Variants in WDR70 observed in about 807,000 individuals in gnomAD.
WDR70 encodes WD repeat domain 70, also known as WD repeat-containing protein 70.
In WDR70, 53 loss-of-function variants were observed where a neutral mutation model predicts 88.6. The observed-to-expected ratio is 0.60, with a 90% CI of 0.48 to 0.75. The LOEUF is 0.75. WDR70 is among the 30% of genes least tolerant of loss of function. The pLI, the probability that WDR70 is intolerant of heterozygous loss-of-function variation, is 0.00. For missense variants in WDR70, 610 were observed against 823.2 expected (o/e 0.74, Z 3.17); for synonymous variants, 280 against 270.0 (o/e 1.04, Z -0.36).
chr5:37,576,925 T>G (rs1257471312), intron 9 of WDR70, among the ~76,000 whole-genome samples: 1 of 151,958 alleles, frequency 6.6e-6, no homozygotes, highest in Non-Finnish European at 1.5e-5. Context: ...GTCACAAGAT[T>G]AGTTCTAGAG....
intron 9 of WDR70, among the ~76,000 whole-genome samples, chr5:37,526,020 C>T (rs1346380371): frequency 6.6e-6 from 1 of 152,094 alleles, no homozygotes; most frequent in African/African-American, 2.4e-5. Flanking sequence ...AAGTCCAGGA[C>T]CAGATGGATT....
At chr5:37,611,119 G>A (rs980220196) in intron 10 of WDR70, among the ~76,000 whole-genome samples, 1 of 152,092 alleles carries the variant, frequency 6.6e-6, no homozygotes, top group Admixed American at 6.5e-5. Context: ...CATCTGCTGT[G>A]CCTTACATTA....
intron 10 of WDR70, among the ~76,000 whole-genome samples, chr5:37,681,734 T>C (rs1047565568): frequency 1.3e-5 from 2 of 152,226 alleles, no homozygotes; most frequent in Admixed American, 1.3e-4. Flanking sequence ...TAACATTTAT[T>C]GATTTGCATT....
At chr5:37,712,114 T>G (rs1747530662) in intron 13 of WDR70, among the ~76,000 whole-genome samples, 1 of 151,588 alleles carries the variant, frequency 6.6e-6, no homozygotes, top group African/African-American at 2.4e-5. Context: ...TGCCTCAGCC[T>G]TCTGAGTAGC....
intron 5 of WDR70, among the ~76,000 whole-genome samples, chr5:37,429,644 A>G (rs1168498716): frequency 2.0e-5 from 3 of 152,068 alleles, no homozygotes; most frequent in African/African-American, 7.2e-5. Context: ...ACAAATTTGT[A>G]TATGTGTGGG....
chr5:37,490,308 G>C (rs1222140916), intron 8 of WDR70, among the ~76,000 whole-genome samples: 1 of 152,140 alleles, frequency 6.6e-6, no homozygotes, highest in Non-Finnish European at 1.5e-5. Context: ...AGCAGCAGTA[G>C]TAGGCAGGGA....
At chr5:37,712,925 C>A (rs1747554618) in intron 13 of WDR70, among the ~76,000 whole-genome samples, 1 of 152,056 alleles carries the variant, frequency 6.6e-6, no homozygotes, top group Non-Finnish European at 1.5e-5. Context: ...TGGTCTCCAA[C>A]CCCCAATCTC....
intron 17 of WDR70, among the ~76,000 whole-genome samples, chr5:37,739,379 G>A (rs1303853444): frequency 1.3e-5 from 2 of 152,262 alleles, no homozygotes; most frequent in South Asian, 2.1e-4. Flanking sequence ...TTTTGCTTTT[G>A]TTTTGGGCAA....
chr5:37,555,712 T>C (rs1404084344), intron 9 of WDR70, among the ~76,000 whole-genome samples: 2 of 56,976 alleles, frequency 3.5e-5, no homozygotes, highest in East Asian at 1.1e-3. Context: ...GTTCAGTTTT[T>C]TTTGTTTTGT....
At chr5:37,443,113 T>C in intron 6 of WDR70, 126 bp from the exon 7 acceptor site, 1 of 957,854 alleles carries the variant, frequency 1.0e-6, no homozygotes, top group Non-Finnish European at 1.5e-6. Flanking sequence ...GAAGTAACAA[T>C]AGTTGGTGGT....
At chr5:37,468,117 A>G (rs970942527) in intron 7 of WDR70, among the ~76,000 whole-genome samples, 8 of 152,054 alleles carry the variant, frequency 5.3e-5, no homozygotes, top group South Asian at 2.1e-4. Flanking sequence ...CCAAAGTGGT[A>G]GGATTACAGG....
rs192040702 is a variant in WDR70, at chr5:37,513,249, T to C, written c.841-3265T>C. Among the ~76,000 whole-genome samples the C allele has an allele frequency of 4.3e-4, 66 of 152,294 alleles. 1 individual carries two copies. In the Middle Eastern group the frequency reaches 0.01, roughly 24 times the overall value. On this transcript the variant is annotated intron_variant, in intron 8 of 17. Coordinates refer to ENST00000265107, the MANE Select transcript of WDR70 (RefSeq NM_018034.4). ...GTAAAGAACAATGTGGTGGGCCATG[T>C]TTTCTTACATAGAGGACCAGGGAAT...
chr5:37,421,567 T>C (rs1024437495), intron 5 of WDR70, among the ~76,000 whole-genome samples: 1 of 152,226 alleles, frequency 6.6e-6, no homozygotes, highest in African/African-American at 2.4e-5. Flanking sequence ...GAATACCTTC[T>C]CTTTTGTGCT....
At chr5:37,681,697 T>C (rs1746441501) in intron 10 of WDR70, among the ~76,000 whole-genome samples, 1 of 152,214 alleles carries the variant, frequency 6.6e-6, no homozygotes, top group Admixed American at 6.5e-5. Context: ...CATGTGGTTT[T>C]GTGTTTAGTT....
intron 10 of WDR70, among the ~76,000 whole-genome samples, chr5:37,648,165 G>C (rs1293108431): frequency 6.6e-6 from 1 of 152,152 alleles, no homozygotes; most frequent in African/African-American, 2.4e-5. Flanking sequence ...CAGCCATTTT[G>C]TATATGTTAA....
intron 9 of WDR70, among the ~76,000 whole-genome samples, chr5:37,519,392 G>A (rs1377972101): frequency 2.0e-5 from 3 of 149,808 alleles, no homozygotes; most frequent in Admixed American, 6.6e-5. Flanking sequence ...TGGGGCAGCC[G>A]GGCGGAGGCG....
chr5:37,604,858 A>T (rs1392644256), intron 9 of WDR70, among the ~76,000 whole-genome samples: 1 of 152,210 alleles, frequency 6.6e-6, no homozygotes, highest in East Asian at 1.9e-4. Context: ...TGACAACATG[A>T]TTCAGATGGT....
chr5:37,499,652 C>T (rs1740345442), intron 8 of WDR70, among the ~76,000 whole-genome samples: 1 of 147,390 alleles, frequency 6.8e-6, no homozygotes, highest in African/African-American at 2.6e-5. Flanking sequence ...TGCAGCCTCG[C>T]CAGCCTGGGC....
chr5:37,618,460 T>C (rs1396055016), intron 10 of WDR70, among the ~76,000 whole-genome samples: 2 of 152,060 alleles, frequency 1.3e-5, no homozygotes, highest in African/African-American at 4.8e-5. Flanking sequence ...CCTCCGCCTC[T>C]GGGGTTCAAG....
Sources: allele counts gnomAD v4.1 joint callset (sites outside exome capture counted in the v4.1 genomes callset), GRCh38; gene constraint gnomAD v4.1.1; transcripts MANE v1.5; gene names NCBI Gene and HGNC (gene_info 2026-07-23, HGNC 2026-07-21).